Variants in NOS1AP observed in about 807,000 individuals in gnomAD.
NOS1AP encodes carboxyl-terminal PDZ ligand of neuronal nitric oxide synthase protein.
Under a neutral mutation model 56.2 loss-of-function variants are expected in NOS1AP, and 21 were observed. The observed-to-expected ratio is 0.37, with a 90% CI of 0.26 to 0.54. The LOEUF (loss-of-function observed/expected upper bound fraction) is 0.54. Ranked by LOEUF, NOS1AP falls within the 20% of genes least tolerant of loss-of-function variation. The pLI is 0.84. For missense variants in NOS1AP, 522 were observed against 657.8 expected (o/e 0.79, Z 2.26); for synonymous variants, 270 against 274.6 (o/e 0.98, Z 0.17).
chr1:162,359,720 G>GGGC (rs1557892724), intron 8 of NOS1AP, among the ~76,000 whole-genome samples: 1 of 94,690 alleles, frequency 1.1e-5, no homozygotes, highest in African/African-American at 4.3e-5. Context: ...TTCTCTACGC[G>GGGC]GGGGGGGGCT....
At chr1:162,158,378 C>A (rs747599079) in intron 2 of NOS1AP, among the ~76,000 whole-genome samples, 2 of 152,164 alleles carry the variant, frequency 1.3e-5, no homozygotes, top group Admixed American at 6.5e-5. Context: ...CACATTAAAA[C>A]AATCCATTCA....
At chr1:162,151,327 G>A (rs1558123837) in intron 1 of NOS1AP, among the ~76,000 whole-genome samples, 1 of 152,178 alleles carries the variant, frequency 6.6e-6, no homozygotes, top group African/African-American at 2.4e-5. Flanking sequence ...CTATGTGTCT[G>A]TTTTTATGCC....
chr1:162,137,890 G>A (rs1287202447), intron 1 of NOS1AP, among the ~76,000 whole-genome samples: 2 of 152,100 alleles, frequency 1.3e-5, no homozygotes, highest in African/African-American at 2.4e-5. Context: ...TTAACAGAAA[G>A]CAAGCAAGCG....
At chr1:162,125,353 C>T (rs1438689998) in intron 1 of NOS1AP, among the ~76,000 whole-genome samples, 2 of 152,020 alleles carry the variant, frequency 1.3e-5, no homozygotes, top group South Asian at 2.1e-4. Context: ...AAGCTGGTCT[C>T]GAACTCCTGA....
chr1:162,113,413 C>T (rs1011116857), intron 1 of NOS1AP, among the ~76,000 whole-genome samples: 8 of 152,126 alleles, frequency 5.3e-5, no homozygotes, highest in Middle Eastern at 6.3e-3. Flanking sequence ...GATGAGGGCA[C>T]CTCCTCTAAT....
At position 162,300,684 on chromosome 1, in the gene NOS1AP, G is replaced by C; in HGVS notation, c.322G>C (p.Val108Leu). Residue 108 changes from valine (V) to leucine (L), a missense_variant, in exon 4 of 10, where the codon GTG becomes CTG. Physicochemically the swap from Val to Leu is conservative, Grantham distance 32 (BLOSUM62 1). Transcript: ENST00000361897. ...EWTWDESKMLVMQDPIYRIFY... is the reference protein window; with the variant it reads ...EWTWDESKMLLMQDPIYRIFY... ...GACGTGGGATGAGAGCAAGATGCTG[G>C]TGATGCAGGACCCCATCTACAGGTA... is the stretch of plus-strand genomic sequence containing the variant. 1 of 1,613,984 alleles carries C rather than the reference G, an allele frequency of 6.2e-7. No individual in the cohort carries two copies. Among genetic ancestry groups the C allele is most frequent in the Non-Finnish European group, 8.5e-7 (1 of 1,179,948 alleles).
chr1:162,297,645 C>T (rs1200268032), intron 3 of NOS1AP, among the ~76,000 whole-genome samples: 4 of 152,156 alleles, frequency 2.6e-5, no homozygotes, highest in Admixed American at 6.5e-5. Flanking sequence ...TATGGGGCGT[C>T]ACCTCTGACC....
intron 2 of NOS1AP, among the ~76,000 whole-genome samples, chr1:162,236,676 TG>T (rs907347319): frequency 6.6e-6 from 1 of 152,104 alleles, no homozygotes; most frequent in African/African-American, 2.4e-5. Context: ...TGGTGGGGGA[TG>T]GGGGGGCAGG....
chr1:162,126,237 ACTT>A (rs1222539818), intron 1 of NOS1AP, among the ~76,000 whole-genome samples: 4 of 152,072 alleles, frequency 2.6e-5, no homozygotes, highest in Admixed American at 2.0e-4. Flanking sequence ...ATGTAGTTTA[ACTT>A]CTTCTTTTCC....
chr1:162,262,428 C>T (rs893887375), intron 2 of NOS1AP, among the ~76,000 whole-genome samples: 2 of 152,150 alleles, frequency 1.3e-5, no homozygotes, highest in African/African-American at 4.8e-5. Context: ...TTAAATCTCC[C>T]AACAATGAAT....
intron 2 of NOS1AP, among the ~76,000 whole-genome samples, chr1:162,238,414 A>C (rs1291629883): frequency 6.6e-6 from 1 of 152,062 alleles, no homozygotes; most frequent in African/African-American, 2.4e-5. Context: ...AGTGACCTCC[A>C]CTTAACTTAC....
intron 2 of NOS1AP, among the ~76,000 whole-genome samples, chr1:162,200,998 A>G (rs775935056): frequency 3.9e-5 from 6 of 152,174 alleles, no homozygotes; most frequent in Non-Finnish European, 5.9e-5. Flanking sequence ...AGAGTATTTC[A>G]TCACCGACAT....
chr1:162,105,947 G>A (rs543444272), intron 1 of NOS1AP, among the ~76,000 whole-genome samples: 5 of 152,298 alleles, frequency 3.3e-5, no homozygotes, highest in South Asian at 4.1e-4. Context: ...CCCTGACTCA[G>A]CCCCCTTCCT....
intron 2 of NOS1AP, among the ~76,000 whole-genome samples, chr1:162,286,261 G>T (rs1307583771): frequency 6.6e-6 from 1 of 152,184 alleles, no homozygotes; most frequent in Non-Finnish European, 1.5e-5. Flanking sequence ...CACTGTCAAG[G>T]TGTTAGGTGC....
chr1:162,331,746 C>A (rs1480909843), intron 4 of NOS1AP, among the ~76,000 whole-genome samples: 1 of 152,336 alleles, frequency 6.6e-6, no homozygotes, highest in South Asian at 2.1e-4. Flanking sequence ...GAGCAATACA[C>A]TCCTTGGACT....
chr1:162,302,461 C>T (rs1312076332), intron 4 of NOS1AP, among the ~76,000 whole-genome samples: 1 of 152,150 alleles, frequency 6.6e-6, no homozygotes, highest in African/African-American at 2.4e-5. Context: ...TGGGCAGGCA[C>T]CTATGATATG....
intron 1 of NOS1AP, among the ~76,000 whole-genome samples, chr1:162,124,142 A>G (rs1262661098): frequency 6.6e-6 from 1 of 152,100 alleles, no homozygotes; most frequent in Non-Finnish European, 1.5e-5. Context: ...TTTAAATTTC[A>G]GTAGCTTTAG....
At chr1:162,081,774 A>ATATATATTTTTTTTTTTT in intron 1 of NOS1AP, among the ~76,000 whole-genome samples, 13 of 44,050 alleles carry the variant, frequency 3.0e-4, no homozygotes, top group Non-Finnish European at 5.1e-4. Context: ...ATATATATAT[A>ATATATATTTTTTTTTTTT]TTTTTTTTTT....
At chr1:162,318,460 T>G (rs1656300853) in intron 4 of NOS1AP, among the ~76,000 whole-genome samples, 1 of 152,218 alleles carries the variant, frequency 6.6e-6, no homozygotes, top group Admixed American at 6.5e-5. Context: ...GTGAAGCACT[T>G]AATGCTGTGG....
Sources: allele counts gnomAD v4.1 joint callset (sites outside exome capture counted in the v4.1 genomes callset), GRCh38; gene constraint gnomAD v4.1.1; transcripts MANE v1.5; gene names NCBI Gene and HGNC (gene_info 2026-07-23, HGNC 2026-07-21).